The following THSD7B variants were observed in gnomAD, a reference collection of about 807,000 sequenced individuals.
THSD7B encodes the protein thrombospondin type-1 domain-containing protein 7B.
Under a neutral mutation model 213.6 loss-of-function variants are expected in THSD7B, and 138 were observed. The ratio of observed to expected loss-of-function variants is 0.65; its 90% CI spans 0.56 to 0.74. THSD7B has a LOEUF of 0.74. Ranked by LOEUF, THSD7B falls within the 30% of genes least tolerant of loss-of-function variation. The pLI is 0.00. For missense variants in THSD7B, 1,931 were observed against 1,991.5 expected, an observed-to-expected ratio of 0.97 and a Z score of 0.58; for synonymous variants, 742 against 687.0, an observed-to-expected ratio of 1.08 and a Z score of -1.25.
At chr2:137,213,918 T>C (rs556945849) in intron 7 of THSD7B, among the ~76,000 whole-genome samples, 1 of 152,256 alleles carries the variant, frequency 6.6e-6, no homozygotes, top group South Asian at 2.1e-4. Context: ...CTCTATCTTA[T>C]AAGCTTGACA....
intron 12 of THSD7B, among the ~76,000 whole-genome samples, chr2:137,278,038 C>T (rs528458576): frequency 1.1e-4 from 16 of 151,870 alleles, no homozygotes; most frequent in East Asian, 7.7e-4. Context: ...GGTGGAGATG[C>T]GGGGCTAGAC....
At chr2:136,871,210 A>T (rs138103886) in intron 1 of THSD7B, among the ~76,000 whole-genome samples, 13 of 152,292 alleles carry the variant, frequency 8.5e-5, no homozygotes, top group Admixed American at 5.2e-4. Context: ...CCAAATGCAG[A>T]TGTTCAGTGG....
chr2:137,561,773 G>A (rs1009825180), intron 15 of THSD7B, among the ~76,000 whole-genome samples: 1 of 152,100 alleles, frequency 6.6e-6, no homozygotes, highest in African/African-American at 2.4e-5. Flanking sequence ...TTCTAATGTA[G>A]GAACTGCTTC....
intron 7 of THSD7B, among the ~76,000 whole-genome samples, chr2:137,214,079 A>T (rs573437213): frequency 6.6e-6 from 1 of 152,208 alleles, no homozygotes; most frequent in South Asian, 2.1e-4. Flanking sequence ...TTCAGGTGGG[A>T]GGAAAAGAAA....
At chr2:137,310,408 T>C (rs946360381) in intron 12 of THSD7B, among the ~76,000 whole-genome samples, 2 of 147,028 alleles carry the variant, frequency 1.4e-5, no homozygotes, top group South Asian at 4.8e-4. Context: ...ATATTAGCCC[T>C]TTGTCAGATG....
chr2:137,411,697 C>T lies in THSD7B; in HGVS notation c.2784C>T (p.Ser928=). 2 of 1,613,910 alleles carry T rather than the reference C, an allele frequency of 1.2e-6. No individual in the cohort carries two copies. The highest frequency in any genetic ancestry group is 1.7e-6 in the Non-Finnish European group (2 of 1,179,886). ...TATGTCCTTGTGATGAATTTATATC[C>T]CAACCTTATGGAAACTGGTCAGATT... ...TELCPCDEFI[S]QPYGNWSDCI... is the part of the protein sequence containing the mutation. The change falls in exon 14 of 28, where the codon TCC becomes TCT. Residue 928 remains serine, a synonymous_variant. Transcript: ENST00000409968.
At chr2:137,306,316 A>C (rs1683743123) in intron 12 of THSD7B, among the ~76,000 whole-genome samples, 1 of 152,170 alleles carries the variant, frequency 6.6e-6, no homozygotes, top group Non-Finnish European at 1.5e-5. Context: ...TACGTGGCAC[A>C]TGACTATATA....
chr2:137,395,584 T>C (rs1310949214), intron 12 of THSD7B, among the ~76,000 whole-genome samples: 3 of 152,144 alleles, frequency 2.0e-5, no homozygotes, highest in Admixed American at 6.5e-5. Context: ...ATTGAGGATT[T>C]TTGCATCAAT....
At chr2:136,877,660 G>A (rs769973601) in intron 1 of THSD7B, among the ~76,000 whole-genome samples, 10 of 152,172 alleles carry the variant, frequency 6.6e-5, no homozygotes, top group Non-Finnish European at 1.2e-4. Context: ...CTTTGCTACC[G>A]TACCCTTGGA....
chr2:136,975,587 G>C (rs1035431775), intron 2 of THSD7B, among the ~76,000 whole-genome samples: 10 of 152,034 alleles, frequency 6.6e-5, no homozygotes, highest in Non-Finnish European at 1.2e-4. Flanking sequence ...TGGATACTGT[G>C]GCCTTGTAAT....
intron 15 of THSD7B, among the ~76,000 whole-genome samples, chr2:137,530,645 TA>T (rs1680379361): frequency 6.6e-6 from 1 of 151,862 alleles, no homozygotes; most frequent in Non-Finnish European, 1.5e-5. Flanking sequence ...TTGGAAGTGC[TA>T]AAGGGGCAGT....
At chr2:137,556,431 C>G (rs1274936728) in intron 15 of THSD7B, among the ~76,000 whole-genome samples, 1 of 152,132 alleles carries the variant, frequency 6.6e-6, no homozygotes, top group Non-Finnish European at 1.5e-5. Flanking sequence ...AATTTCATAT[C>G]CAGCCAAACT....
chr2:137,549,718 A>T (rs1680809904), intron 15 of THSD7B, among the ~76,000 whole-genome samples: 1 of 151,912 alleles, frequency 6.6e-6, no homozygotes, highest in African/African-American at 2.4e-5. Flanking sequence ...GGCAACCACC[A>T]TTCTATTCTT....
At chr2:137,097,526 G>A (rs1276932867) in intron 4 of THSD7B, among the ~76,000 whole-genome samples, 1 of 152,076 alleles carries the variant, frequency 6.6e-6, no homozygotes, top group Non-Finnish European at 1.5e-5. Flanking sequence ...TGACTTTCAT[G>A]ATAGGCACAG....
At position 136,933,991 on chromosome 2, in the gene THSD7B, A is replaced by G. The variant is rs1011428086; in HGVS notation, c.139+51674A>G. ...TTTCTCTCTCTTTGGAGATATACCA[A>G]TTCAGAAATTCAGACAGTTTGCCAG... On this transcript the variant is annotated intron_variant, in intron 2 of 27. Coordinates refer to ENST00000409968, the MANE Select transcript of THSD7B (RefSeq NM_001316349.2). Among the ~76,000 whole-genome samples the G allele has an allele frequency of 4.6e-5, 7 of 152,186 alleles. 1 individual carries two copies. Among genetic ancestry groups the G allele is most frequent in the Admixed American group, 3.3e-4 (5 of 15,278 alleles).
intron 2 of THSD7B, among the ~76,000 whole-genome samples, chr2:136,961,827 C>T (rs546495961): frequency 5.3e-5 from 8 of 152,242 alleles, no homozygotes; most frequent in African/African-American, 1.9e-4. Flanking sequence ...GAATGGGGAA[C>T]TAAAGACAGT....
chr2:137,156,273 C>T (rs753234764), intron 5 of THSD7B: 1 of 152,136 alleles, frequency 6.6e-6, no homozygotes, highest in Non-Finnish European at 1.5e-5. Flanking sequence ...GTGATAGAGA[C>T]AGGCTGACCC....
At chr2:137,187,587 T>C (rs974516183) in intron 7 of THSD7B, among the ~76,000 whole-genome samples, 3 of 152,134 alleles carry the variant, frequency 2.0e-5, no homozygotes, top group African/African-American at 7.2e-5. Context: ...TGTAAGAGGC[T>C]AGAAATACAA....
intron 2 of THSD7B, among the ~76,000 whole-genome samples, chr2:136,968,665 A>C (rs1396241941): frequency 6.6e-6 from 1 of 152,186 alleles, no homozygotes; most frequent in East Asian, 1.9e-4. Context: ...AATGTTGCTT[A>C]AGAAATCCTG....
Sources: gnomAD v4.1 joint callset for allele counts (sites outside exome capture counted in the v4.1 genomes callset) on GRCh38, gnomAD v4.1.1 for gene constraint, MANE v1.5 for transcripts, NCBI Gene and HGNC (gene_info 2026-07-23, HGNC 2026-07-21) for gene names.